WDR7: variants seen among roughly 807,000 people sequenced by gnomAD.
WDR7 encodes the protein WD repeat domain 7.
A neutral mutation model predicts 169.4 loss-of-function variants in WDR7; 46 were observed. The observed-to-expected ratio is 0.27, with a 90% CI of 0.21 to 0.35. The LOEUF (loss-of-function observed/expected upper bound fraction) is 0.35, where lower values mean the gene tolerates loss of function less well. Among genes scored for constraint, WDR7 ranks in the 10% least tolerant of loss-of-function variants. The pLI is 1.00. For missense variants in WDR7, 1,534 were observed against 1,859.3 expected (o/e 0.83, Z 3.22); for synonymous variants, 612 against 666.8 (o/e 0.92, Z 1.27).
chr18:56,986,173 TGTGTG>T (rs2047716748), intron 26 of WDR7, among the ~76,000 whole-genome samples: 1 of 149,010 alleles, frequency 6.7e-6, no homozygotes, highest in South Asian at 2.1e-4. Flanking sequence ...TGTGTGTGTG[TGTGTG>T]TATACATATT....
intron 21 of WDR7, among the ~76,000 whole-genome samples, chr18:56,913,482 A>T (rs1250791838): frequency 6.6e-6 from 1 of 152,114 alleles, no homozygotes; most frequent in Non-Finnish European, 1.5e-5. Flanking sequence ...CTTTAAAAAA[A>T]AATGTTTTTA....
At chr18:56,668,000 A>G (rs1226583915) in intron 1 of WDR7, among the ~76,000 whole-genome samples, 1 of 152,148 alleles carries the variant, frequency 6.6e-6, no homozygotes, top group African/African-American at 2.4e-5. Flanking sequence ...GTAATAAGAG[A>G]TTGTGATAAA....
chr18:56,928,664 C>T (rs2046839365), intron 22 of WDR7, among the ~76,000 whole-genome samples: 1 of 152,126 alleles, frequency 6.6e-6, no homozygotes, highest in African/African-American at 2.4e-5. Flanking sequence ...CTATTGAATG[C>T]TTACTACCTA....
intron 1 of WDR7, among the ~76,000 whole-genome samples, chr18:56,667,123 C>T (rs1598946144): frequency 1.3e-5 from 2 of 152,134 alleles, no homozygotes; most frequent in East Asian, 3.8e-4. Context: ...CCAGATTCCT[C>T]TTTAGCGTCA....
intron 26 of WDR7, among the ~76,000 whole-genome samples, chr18:56,968,443 T>C (rs2047441527): frequency 6.6e-6 from 1 of 152,246 alleles, no homozygotes; most frequent in African/African-American, 2.4e-5. Context: ...CATCAAATTG[T>C]TGTTTCTGTG....
intron 22 of WDR7, 36 bp downstream of exon 22, chr18:56,924,144 G>GT: frequency 1.3e-6 from 2 of 1,599,828 alleles, no homozygotes; most frequent in Non-Finnish European, 1.7e-6. Flanking sequence ...ATTTGTCACT[G>GT]TTTTTTGTTT....
At chr18:56,930,418 ATTC>A (rs1480189658) in intron 22 of WDR7, among the ~76,000 whole-genome samples, 1 of 152,196 alleles carries the variant, frequency 6.6e-6, no homozygotes, top group East Asian at 1.9e-4. Flanking sequence ...TGTGAAATTT[ATTC>A]TTAACAGAAA....
At chr18:56,923,144 A>G (rs1022175422) in intron 21 of WDR7, among the ~76,000 whole-genome samples, 1 of 152,166 alleles carries the variant, frequency 6.6e-6, no homozygotes, top group Non-Finnish European at 1.5e-5. Flanking sequence ...CTAAATTACA[A>G]TTGGCTTTTC....
chr18:56,897,889 A>T (rs2046350810), intron 21 of WDR7, among the ~76,000 whole-genome samples: 1 of 151,986 alleles, frequency 6.6e-6, no homozygotes, highest in African/African-American at 2.4e-5. Flanking sequence ...AAATATAAAT[A>T]CTTTTTTATA....
chr18:56,731,595 A>G lies in WDR7; in HGVS notation c.1987A>G (p.Lys663Glu), dbSNP rs979888938. ...TNLLASEASDKGNLPKYSHNS... is the reference protein window; with the variant it reads ...TNLLASEASDEGNLPKYSHNS... ...CCTCTTGGCTTCTGAGGCATCTGAC[A>G]AGGTAAGTTTTATATGTGGGCCCAT... is the stretch of plus-strand genomic sequence containing the variant. The change falls in exon 14 of 28, where the codon AAG (lysine) becomes GAG (glutamate). Residue 663 changes from lysine to glutamate, a missense_variant and splice_region_variant. Coordinates refer to ENST00000254442, the MANE Select transcript of WDR7 (RefSeq NM_015285.3). The G allele has an allele frequency of 3.1e-6, 5 of 1,613,690 alleles. No individual in the cohort carries two copies. The highest frequency in any genetic ancestry group is 3.4e-6 in the Non-Finnish European group (4 of 1,179,910).
chr18:56,987,285 CAAAAAAAAAAAAAAA>C (rs74182165), intron 26 of WDR7, among the ~76,000 whole-genome samples: 5 of 75,272 alleles, frequency 6.6e-5, no homozygotes, highest in Middle Eastern at 0.01. Context: ...TCATCTGTAC[CAAAAAAAAAAAAAAA>C]AAAAAAAAAA....
chr18:56,656,491 G>A (rs1003279360), intron 1 of WDR7, among the ~76,000 whole-genome samples: 25 of 151,690 alleles, frequency 1.6e-4, no homozygotes, highest in African/African-American at 6.1e-4. Flanking sequence ...TGTTGCCCAA[G>A]CTGGTCTCGA....
chr18:56,804,246 C>T (rs989649517), intron 19 of WDR7, among the ~76,000 whole-genome samples: 55 of 152,186 alleles, frequency 3.6e-4, no homozygotes, highest in Non-Finnish European at 6.6e-4. Context: ...GCAGATTAAA[C>T]TGGATTTGAG....
chr18:57,007,811 A>G (rs901606839), intron 26 of WDR7, among the ~76,000 whole-genome samples: 1 of 151,978 alleles, frequency 6.6e-6, no homozygotes, highest in Non-Finnish European at 1.5e-5. Flanking sequence ...CTGTCGTTTT[A>G]TCCTCATCCT....
At chr18:56,718,794 T>G (rs2026251039) in intron 13 of WDR7, among the ~76,000 whole-genome samples, 1 of 152,254 alleles carries the variant, frequency 6.6e-6, no homozygotes, top group South Asian at 2.1e-4. Flanking sequence ...TTTCACAATT[T>G]TCACTAATCA....
intron 20 of WDR7, among the ~76,000 whole-genome samples, chr18:56,874,754 T>C (rs145576152): frequency 0.014 from 2,117 of 152,150 alleles, 29 homozygotes; most frequent in East Asian, 0.036. Flanking sequence ...ATGGCAAACA[T>C]CCAGAACTAA....
At chr18:56,841,079 G>A (rs533892903) in intron 20 of WDR7, among the ~76,000 whole-genome samples, 1 of 152,072 alleles carries the variant, frequency 6.6e-6, no homozygotes, top group African/African-American at 2.4e-5. Context: ...TGTAATCCCA[G>A]CTACTCGGGA....
intron 26 of WDR7, among the ~76,000 whole-genome samples, chr18:56,976,612 G>A (rs754468986): frequency 4.1e-4 from 62 of 152,136 alleles, no homozygotes; most frequent in Non-Finnish European, 1.2e-4. Context: ...TCTTTGGCAG[G>A]ACCACCTCAG....
chr18:56,744,646 C>T (rs1378221677), intron 14 of WDR7, among the ~76,000 whole-genome samples: 1 of 152,078 alleles, frequency 6.6e-6, no homozygotes, highest in Non-Finnish European at 1.5e-5. Context: ...ATAGTGGTTC[C>T]CAAACCATGC....
Sources: gnomAD v4.1 joint callset for allele counts (sites outside exome capture counted in the v4.1 genomes callset) on GRCh38, gnomAD v4.1.1 for gene constraint, MANE v1.5 for transcripts, NCBI Gene and HGNC (gene_info 2026-07-23, HGNC 2026-07-21) for gene names.